Variants in RNF180 observed in about 807,000 individuals in gnomAD.
RNF180 encodes the protein E3 ubiquitin-protein ligase RNF180.
Under a neutral mutation model 59.2 loss-of-function variants are expected in RNF180, and 38 were observed. The observed-to-expected ratio is 0.64, with a 90% CI of 0.50 to 0.84. The LOEUF is 0.84. RNF180 is among the 40% of genes least tolerant of loss of function. The pLI is 0.00. For missense variants in RNF180, 705 were observed against 700.9 expected (o/e 1.01, Z -0.07); for synonymous variants, 262 against 240.3 (o/e 1.09, Z -0.84).
intron 7 of RNF180, among the ~76,000 whole-genome samples, chr5:64,347,013 G>A (rs1278010055): frequency 6.6e-6 from 1 of 152,164 alleles, no homozygotes; most frequent in Non-Finnish European, 1.5e-5. Context: ...TAAAAGAGAC[G>A]AACAGTGTTT....
At chr5:64,220,735 C>A (rs546459832) in intron 5 of RNF180, among the ~76,000 whole-genome samples, 33 of 151,960 alleles carry the variant, frequency 2.2e-4, no homozygotes, top group Non-Finnish European at 4.1e-4. Context: ...AAGAAAATGT[C>A]TCTTTAAGGC....
intron 5 of RNF180, among the ~76,000 whole-genome samples, chr5:64,283,259 CT>C: frequency 6.6e-6 from 1 of 152,016 alleles, no homozygotes; most frequent in Non-Finnish European, 1.5e-5. Context: ...AATGCCTTAT[CT>C]TTTTTGATTG....
At chr5:64,171,206 AT>A (rs1749915520) in intron 1 of RNF180, among the ~76,000 whole-genome samples, 1 of 152,222 alleles carries the variant, frequency 6.6e-6, no homozygotes, top group African/African-American at 2.4e-5. Flanking sequence ...TATCCCATTC[AT>A]TTTATCGACC....
chr5:64,236,776 G>T (rs905677957), intron 5 of RNF180, among the ~76,000 whole-genome samples: 2 of 152,142 alleles, frequency 1.3e-5, no homozygotes, highest in Non-Finnish European at 2.9e-5. Context: ...AGCTGCTCTA[G>T]CCCCAGATGT....
chr5:64,313,137 G>A (rs1412166845), intron 5 of RNF180, among the ~76,000 whole-genome samples: 2 of 152,058 alleles, frequency 1.3e-5, no homozygotes, highest in African/African-American at 4.8e-5. Context: ...CATATAGCCT[G>A]AAGGTAATTT....
rs11952584 is a variant in RNF180, at chr5:64,296,084, T to G, written c.1228-29102T>G. Among the ~76,000 whole-genome samples the G allele has an allele frequency of 3.6e-3, 547 of 152,240 alleles. 4 individuals are homozygous for G. The Middle Eastern group carries it at 0.041, about 11-fold the overall frequency. On this transcript the variant is annotated intron_variant, in intron 5 of 7. Transcript: ENST00000389100. ...TAGGTTTAGATTTAAAGACCTTTAT[T>G]CCTAACATGACTACAGGCTACTTCA...
intron 5 of RNF180, among the ~76,000 whole-genome samples, chr5:64,251,887 G>A (rs1472975404): frequency 6.6e-6 from 1 of 152,104 alleles, no homozygotes; most frequent in African/African-American, 2.4e-5. Context: ...AACCAAGGAG[G>A]TGAAAGATCT....
chr5:64,192,940 A>ATATATATATATATATATATATAT (rs1561179048), intron 1 of RNF180, among the ~76,000 whole-genome samples: 1 of 70,030 alleles, frequency 1.4e-5, no homozygotes, highest in African/African-American at 5.5e-5. Flanking sequence ...TATATATATA[A>ATATATATATATATATATATATAT]AATGAAACAT....
intron 5 of RNF180, among the ~76,000 whole-genome samples, chr5:64,236,254 A>G (rs1343760085): frequency 6.6e-6 from 1 of 152,236 alleles, no homozygotes; most frequent in African/African-American, 2.4e-5. Context: ...GAACTGGAGT[A>G]AAGGTCACTT....
At chr5:64,346,157 G>A (rs1745544162) in intron 7 of RNF180, among the ~76,000 whole-genome samples, 2 of 151,492 alleles carry the variant, frequency 1.3e-5, no homozygotes, top group Non-Finnish European at 2.9e-5. Flanking sequence ...CCAAAATAGA[G>A]CAACTACAAA....
intron 7 of RNF180, 145 bp downstream of exon 7, chr5:64,330,551 C>A: frequency 1.3e-6 from 1 of 798,686 alleles, no homozygotes; most frequent in Non-Finnish European, 2.0e-6. Flanking sequence ...CTAAGTATCT[C>A]CTTGCTGAAA....
intron 2 of RNF180, 51 bp downstream of exon 2, chr5:64,200,993 G>A: frequency 2.0e-6 from 3 of 1,510,154 alleles, no homozygotes; most frequent in Non-Finnish European, 2.7e-6. Flanking sequence ...GAGTGCTGTG[G>A]GCCTATCCAC....
chr5:64,276,319 G>GTGT (rs1741709442), intron 5 of RNF180, among the ~76,000 whole-genome samples: 1 of 138,190 alleles, frequency 7.2e-6, no homozygotes, highest in Non-Finnish European at 1.6e-5. Context: ...AAAATACATT[G>GTGT]GTGTGTGTGT....
chr5:64,328,404 A>T (rs1203873439), intron 6 of RNF180, among the ~76,000 whole-genome samples: 1 of 152,222 alleles, frequency 6.6e-6, no homozygotes, highest in Non-Finnish European at 1.5e-5. Context: ...AAAGGGCTAT[A>T]ACTGGGCAGT....
At chr5:64,180,879 G>T (rs528009779) in intron 1 of RNF180, among the ~76,000 whole-genome samples, 1 of 152,150 alleles carries the variant, frequency 6.6e-6, no homozygotes, top group Non-Finnish European at 1.5e-5. Flanking sequence ...GGCAGAAGGG[G>T]AATTTGTCAT....
At chr5:64,318,414 C>A (rs1465496584) in intron 5 of RNF180, among the ~76,000 whole-genome samples, 1 of 152,068 alleles carries the variant, frequency 6.6e-6, no homozygotes, top group Non-Finnish European at 1.5e-5. Context: ...AATATTTCAT[C>A]ATGCTACCTA....
At chr5:64,340,197 A>AAAAC (rs1745303965) in intron 7 of RNF180, among the ~76,000 whole-genome samples, 1 of 152,236 alleles carries the variant, frequency 6.6e-6, no homozygotes, top group Admixed American at 6.5e-5. Context: ...AGGTTTCACT[A>AAAAC]AAACATTTTT....
At chr5:64,295,028 A>G (rs1316026651) in intron 5 of RNF180, among the ~76,000 whole-genome samples, 1 of 152,146 alleles carries the variant, frequency 6.6e-6, no homozygotes, top group East Asian at 1.9e-4. Context: ...ATCATATGCT[A>G]TGTAATCTTT....
At chr5:64,368,772 A>G (rs1250617872) in intron 7 of RNF180, among the ~76,000 whole-genome samples, 2 of 152,028 alleles carry the variant, frequency 1.3e-5, no homozygotes, top group African/African-American at 4.8e-5. Context: ...ACCATCTCAC[A>G]CCAGTTAGAA....
Sources: gnomAD v4.1 joint callset for allele counts (sites outside exome capture counted in the v4.1 genomes callset) on GRCh38, gnomAD v4.1.1 for gene constraint, MANE v1.5 for transcripts, NCBI Gene and HGNC (gene_info 2026-07-23, HGNC 2026-07-21) for gene names.